The following ARHGEF28 variants were observed in gnomAD, a reference collection of about 807,000 sequenced individuals.
ARHGEF28 encodes Rho guanine nucleotide exchange factor 28.
Under a neutral mutation model 206.6 loss-of-function variants are expected in ARHGEF28, and 152 were observed. That is an observed-to-expected ratio of 0.74 (90% CI 0.64 to 0.84). ARHGEF28 has a LOEUF of 0.84. Among genes scored for constraint, ARHGEF28 ranks in the 40% least tolerant of loss-of-function variants. ARHGEF28 has a pLI of 0.00. For synonymous variants in ARHGEF28, 763 were observed against 776.4 expected, an observed-to-expected ratio of 0.98 and a Z score of 0.29; for missense variants, 2,028 against 2,073.2, an observed-to-expected ratio of 0.98 and a Z score of 0.42.
intron 5 of ARHGEF28, among the ~76,000 whole-genome samples, chr5:73,776,146 G>A (rs1753527622): frequency 6.6e-6 from 1 of 152,178 alleles, no homozygotes. Flanking sequence ...ACCACTGGCT[G>A]CCAGCTAATT....
At chr5:73,868,899 G>C (rs1297119206) in intron 20 of ARHGEF28, among the ~76,000 whole-genome samples, 2 of 152,058 alleles carry the variant, frequency 1.3e-5, no homozygotes, top group Non-Finnish European at 2.9e-5. Flanking sequence ...CAACTGCCTC[G>C]GCCTCCCAAA....
chr5:73,818,602 T>C (rs932819066), intron 9 of ARHGEF28, among the ~76,000 whole-genome samples: 11 of 152,224 alleles, frequency 7.2e-5, no homozygotes, highest in Non-Finnish European at 1.2e-4. Context: ...AGGGAGTGTT[T>C]AACCTCATAC....
chr5:73,722,003 A>C (rs893646657), intron 2 of ARHGEF28, among the ~76,000 whole-genome samples: 1 of 152,184 alleles, frequency 6.6e-6, no homozygotes, highest in Non-Finnish European at 1.5e-5. Flanking sequence ...TTAGGCACAC[A>C]ATATCTAATG....
At chr5:73,780,222 C>T (rs1486983503) in intron 6 of ARHGEF28, 1 of 157,848 alleles carries the variant, frequency 6.3e-6, no homozygotes, top group Non-Finnish European at 1.4e-5. Flanking sequence ...ACCTGCAGCT[C>T]AGGGCCCATG....
chr5:73,629,507 CAA>C lies in ARHGEF28; in HGVS notation c.-12+3199_-12+3200del, dbSNP rs70973265. ...TGGGTGACAGAAAAAGACTCTGTCT[CAA>C]AAAAAAAAAAAAATTAAAGACATTT... On this transcript the variant is annotated intron_variant, in intron 1 of 35. Transcript: ENST00000513042. Among the ~76,000 whole-genome samples, 172 of 138,342 alleles carry C rather than the reference CAA, an allele frequency of 1.2e-3. 1 individual carries two copies. Among genetic ancestry groups the C allele is most frequent in the Middle Eastern group, 7.4e-3 (2 of 272 alleles). The allele number at this position is 138,342 out of a possible 152,430, so 90.8% of individuals were successfully genotyped here. A position where few individuals can be genotyped will look rare whatever the true frequency, so the allele number is the denominator to read the frequency against.
chr5:73,648,658 T>G (rs1002107595), intron 1 of ARHGEF28, among the ~76,000 whole-genome samples: 2 of 152,222 alleles, frequency 1.3e-5, no homozygotes, highest in African/African-American at 4.8e-5. Context: ...CTTGCATCAT[T>G]GCAGTCAGGT....
Position 73,835,714 on chromosome 5 carries a change from A to T in ARHGEF28, c.1146+3255A>T, listed in dbSNP as rs571256162. Among the ~76,000 whole-genome samples the T allele has an allele frequency of 1.5e-4, 23 of 152,164 alleles. No homozygotes were observed. In the East Asian group the frequency reaches 4.3e-3, roughly 28 times the overall value. The stretch of plus-strand genomic sequence containing the variant: ...TGAGCTGCTCTAGCAAATTGATTGA[A>T]CCTGAGGAGGGGCTGTGGGAACCCC... On this transcript the variant is annotated intron_variant, in intron 10 of 35. Transcript: ENST00000513042.
chr5:73,707,699 G>A (rs1749017425), intron 2 of ARHGEF28, among the ~76,000 whole-genome samples: 1 of 151,966 alleles, frequency 6.6e-6, no homozygotes, highest in Non-Finnish European at 1.5e-5. Context: ...TAACTTATGT[G>A]AATTTTTTAT....
chr5:73,639,024 AG>A lies in ARHGEF28; in HGVS notation c.-12+12705del, dbSNP rs982882317. ...TGTATGCAAATCTAAGGCTTCTTAC[AG>A]GGAAGAGAGAATGAGCAGCTGTTTT... On this transcript the variant is annotated intron_variant, in intron 1 of 35. Transcript: ENST00000513042. 2.1e-4 allele frequency among the ~76,000 whole-genome samples: 32 copies of A among 152,164 alleles called. No homozygotes were observed. The East Asian group carries it at 3.1e-3, about 15-fold the overall frequency.
chr5:73,646,394 A>G (rs1362848733), intron 1 of ARHGEF28, among the ~76,000 whole-genome samples: 1 of 152,122 alleles, frequency 6.6e-6, no homozygotes, highest in Non-Finnish European at 1.5e-5. Flanking sequence ...GTACCTCCCT[A>G]TTCCTACACA....
At chr5:73,888,962 G>A (rs1761464601) in intron 26 of ARHGEF28, among the ~76,000 whole-genome samples, 1 of 152,164 alleles carries the variant, frequency 6.6e-6, no homozygotes, top group African/African-American at 2.4e-5. Flanking sequence ...ATTCATAAAT[G>A]ACAGCTAAGC....
At chr5:73,766,161 A>C (rs545641782) in intron 4 of ARHGEF28, among the ~76,000 whole-genome samples, 121 of 147,238 alleles carry the variant, frequency 8.2e-4, no homozygotes, top group African/African-American at 2.6e-3. Context: ...CTCAAAAAAA[A>C]AAAAACAAAA....
chr5:73,854,364 G>C (rs753536864), intron 14 of ARHGEF28, among the ~76,000 whole-genome samples: 2 of 152,090 alleles, frequency 1.3e-5, no homozygotes, highest in Admixed American at 6.5e-5. Flanking sequence ...CAGACACTCT[G>C]TTCTAATTTC....
intron 24 of ARHGEF28, among the ~76,000 whole-genome samples, chr5:73,884,913 T>G (rs1394378641): frequency 6.6e-6 from 1 of 152,226 alleles, no homozygotes; most frequent in Non-Finnish European, 1.5e-5. Flanking sequence ...GGCTGATTTG[T>G]CCGTTAGCAC....
chr5:73,941,881 A>T lies in ARHGEF28; in HGVS notation c.*868A>T, dbSNP rs1742646430. The T allele has an allele frequency of 6.6e-6, 1 of 152,200 alleles. No individual in the cohort carries two copies. Among genetic ancestry groups the T allele is most frequent in the Non-Finnish European group, 1.5e-5 (1 of 68,036 alleles). 9.4% of individuals were successfully genotyped at this position (152,200 alleles called of 1,614,324 possible). On this transcript the variant is annotated 3_prime_UTR_variant, in exon 36 of 36. Transcript: ENST00000513042. Reference sequence around the variant, plus strand: ...CTTTTCCACAAAGGAAAACTGGCATATCCTGCCTTCCGAGTAGTATGGGTC... The same window carrying T: ...CTTTTCCACAAAGGAAAACTGGCATTTCCTGCCTTCCGAGTAGTATGGGTC...
chr5:73,889,928 G>A (rs1035856660), intron 26 of ARHGEF28, among the ~76,000 whole-genome samples: 1 of 152,188 alleles, frequency 6.6e-6, no homozygotes, highest in African/African-American at 2.4e-5. Flanking sequence ...GAAATGTAAA[G>A]TTTTTAAAAA....
At position 73,840,692 on chromosome 5, in the gene ARHGEF28, T is replaced by C. The variant is rs1229794206; in HGVS notation, c.1359T>C (p.Ala453=). ...QSFMSPSSSC[A]SNLNLSFGWH... is the part of the protein sequence containing the mutation. ...TCATGTCACCATCAAGTTCGTGTGC[T>C]TCCAACTTGAATCTTTCTTTTGGTT... The change falls in exon 11 of 36, where the codon GCT becomes GCC. Residue 453 remains alanine (A), a synonymous_variant. Coordinates refer to ENST00000513042, the MANE Select transcript of ARHGEF28 (RefSeq NM_001177693.2). The C allele has an allele frequency of 1.9e-6, 3 of 1,612,840 alleles. No homozygotes were observed. The highest frequency in any genetic ancestry group is 2.5e-6 in the Non-Finnish European group (3 of 1,179,386).
chr5:73,923,130 GGGACTGT>G, intron 35 of ARHGEF28: 2 of 1,535,816 alleles, frequency 1.3e-6, no homozygotes, highest in Non-Finnish European at 1.7e-6. Flanking sequence ...CATCTCCCCC[GGGACTGT>G]GGACTGGAAC....
intron 9 of ARHGEF28, among the ~76,000 whole-genome samples, chr5:73,807,756 G>T (rs1389664669): frequency 2.0e-5 from 3 of 151,934 alleles, no homozygotes; most frequent in Non-Finnish European, 4.4e-5. Context: ...AAAGTTCTGG[G>T]ATTACAGGCA....
Sources: allele counts gnomAD v4.1 joint callset (sites outside exome capture counted in the v4.1 genomes callset), GRCh38; gene constraint gnomAD v4.1.1; transcripts MANE v1.5; gene names NCBI Gene and HGNC (gene_info 2026-07-23, HGNC 2026-07-21).